The following HBS1L variants were observed in gnomAD, a reference collection of about 807,000 sequenced individuals.
HBS1L encodes the protein HBS1-like protein.
Under a neutral mutation model 88.9 loss-of-function variants are expected in HBS1L, and 55 were observed. The observed-to-expected ratio is 0.62, with a 90% confidence interval of 0.50 to 0.77. HBS1L has a LOEUF of 0.77. Ranked by LOEUF, HBS1L falls within the 30% of genes least tolerant of loss-of-function variation. The probability of loss-of-function intolerance (pLI) is 0.00; values close to 1 mark genes in which losing one functional copy is unlikely to be tolerated. For missense variants in HBS1L, 741 were observed against 829.3 expected (o/e 0.89, Z 1.31); for synonymous variants, 267 against 288.5 (o/e 0.93, Z 0.76).
At chr6:134,985,810 T>C (rs887797174) in intron 11 of HBS1L, among the ~76,000 whole-genome samples, 8 of 152,174 alleles carry the variant, frequency 5.3e-5, no homozygotes, top group African/African-American at 1.9e-4. Flanking sequence ...TTGCAGCTTA[T>C]AAAATGAATG....
chr6:134,965,774 C>A (rs879833053), intron 17 of HBS1L, among the ~76,000 whole-genome samples: 1 of 152,136 alleles, frequency 6.6e-6, no homozygotes, highest in Non-Finnish European at 1.5e-5. Context: ...ACCTCCACCC[C>A]ACACCGCCTT....
At chr6:135,000,208 A>T (rs1342986734) in intron 5 of HBS1L, among the ~76,000 whole-genome samples, 1 of 134,356 alleles carries the variant, frequency 7.4e-6, no homozygotes, top group Non-Finnish European at 1.5e-5. Flanking sequence ...GGCAAGCACC[A>T]CTATACCCAG....
At chr6:135,053,236 T>A (rs1481433519) in intron 1 of HBS1L, among the ~76,000 whole-genome samples, 3 of 152,204 alleles carry the variant, frequency 2.0e-5, no homozygotes, top group Non-Finnish European at 4.4e-5. Flanking sequence ...TGTTCTCATC[T>A]GTGTATCCCT....
chr6:135,045,058 G>A (rs374264722), intron 2 of HBS1L, among the ~76,000 whole-genome samples: 1 of 151,936 alleles, frequency 6.6e-6, no homozygotes, highest in African/African-American at 2.4e-5. Flanking sequence ...ATTTGCAAAG[G>A]GTGGGTGGGG....
chr6:135,017,881 C>T (rs902065160), intron 4 of HBS1L, among the ~76,000 whole-genome samples: 14 of 151,372 alleles, frequency 9.2e-5, no homozygotes, highest in Non-Finnish European at 1.9e-4. Context: ...ACATTCAAAA[C>T]AAATTCACAA....
intron 2 of HBS1L, among the ~76,000 whole-genome samples, chr6:135,043,601 CG>C (rs980252799): frequency 1.3e-5 from 2 of 152,118 alleles, no homozygotes; most frequent in African/African-American, 4.8e-5. Context: ...AGAAGAAAAA[CG>C]TAATGACTTA....
intron 4 of HBS1L, chr6:135,037,909 T>C: frequency 1.9e-6 from 3 of 1,551,326 alleles, no homozygotes; most frequent in Non-Finnish European, 2.6e-6. Flanking sequence ...TAATCCGTAT[T>C]TTCCTACTGA....
chr6:134,973,494 A>T (rs1774552172), intron 15 of HBS1L, among the ~76,000 whole-genome samples: 1 of 152,152 alleles, frequency 6.6e-6, no homozygotes, highest in Admixed American at 6.5e-5. Context: ...TCAGTTTGGG[A>T]TGTTGAAGAA....
At chr6:135,044,711 T>C (rs1194550646) in intron 2 of HBS1L, among the ~76,000 whole-genome samples, 1 of 152,212 alleles carries the variant, frequency 6.6e-6, no homozygotes, top group Non-Finnish European at 1.5e-5. Context: ...CCTGGTGCTT[T>C]CCTGGCTTTA....
intron 4 of HBS1L, chr6:135,027,215 AAGAAAAG>A (rs1776258554): frequency 7.3e-6 from 1 of 136,072 alleles, no homozygotes; most frequent in African/African-American, 3.3e-5. Flanking sequence ...AAAAAAAAAA[AAGAAAAG>A]AAAAAATAGC....
chr6:134,989,688 T>G (rs1157600545), intron 8 of HBS1L, among the ~76,000 whole-genome samples: 6 of 152,350 alleles, frequency 3.9e-5, no homozygotes, highest in African/African-American at 9.6e-5. Flanking sequence ...TTTACACTAT[T>G]CCTGTTTCCT....
At chr6:135,028,393 A>G (rs1776295716) in intron 4 of HBS1L, among the ~76,000 whole-genome samples, 1 of 152,194 alleles carries the variant, frequency 6.6e-6, no homozygotes, top group South Asian at 2.1e-4. Flanking sequence ...GTTTGGTACA[A>G]TGCACAACAA....
chr6:135,005,066 G>A (rs1167610284), intron 4 of HBS1L, among the ~76,000 whole-genome samples: 3 of 152,166 alleles, frequency 2.0e-5, no homozygotes, highest in Non-Finnish European at 4.4e-5. Flanking sequence ...TGGGGCTCTG[G>A]GCCAGTCAAC....
intron 4 of HBS1L, among the ~76,000 whole-genome samples, chr6:135,006,257 G>A (rs1388803078): frequency 1.3e-5 from 2 of 152,218 alleles, no homozygotes; most frequent in Non-Finnish European, 2.9e-5. Flanking sequence ...AGAAAGCAGA[G>A]GGATCTGTAA....
At chr6:135,010,279 C>A (rs1455641956) in intron 4 of HBS1L, among the ~76,000 whole-genome samples, 1 of 152,078 alleles carries the variant, frequency 6.6e-6, no homozygotes, top group Non-Finnish European at 1.5e-5. Context: ...ACTGAGTTTA[C>A]CCCATCTGAA....
chr6:135,054,573 T>C (rs1488072627), intron 1 of HBS1L, 76 bp downstream of exon 1: 17 of 1,534,814 alleles, frequency 1.1e-5, no homozygotes, highest in East Asian at 2.3e-5. Context: ...AACTCACAGA[T>C]TGAAGTGGAT....
At chr6:134,991,337 TCC>T (rs2114792958) in intron 8 of HBS1L, among the ~76,000 whole-genome samples, 1 of 152,340 alleles carries the variant, frequency 6.6e-6, no homozygotes, top group African/African-American at 2.4e-5. Flanking sequence ...ACACATCACT[TCC>T]TTTGCATGGA....
At chr6:134,988,444 C>CA (rs35138728) in intron 8 of HBS1L, among the ~76,000 whole-genome samples, 1,842 of 119,150 alleles carry the variant, frequency 0.015, 23 homozygotes, top group Middle Eastern at 0.056. Context: ...GAATCTTTAC[C>CA]AAAAAAAAAA....
intron 13 of HBS1L, 148 bp from the exon 14 acceptor site, chr6:134,979,416 G>C: frequency 1.6e-6 from 1 of 618,670 alleles, no homozygotes; most frequent in Middle Eastern, 2.6e-4. Context: ...GTAACTGTGA[G>C]CGTTGAGGAA....
Sources: allele counts gnomAD v4.1 joint callset (sites outside exome capture counted in the v4.1 genomes callset), GRCh38; gene constraint gnomAD v4.1.1; transcripts MANE v1.5; gene names NCBI Gene and HGNC (gene_info 2026-07-23, HGNC 2026-07-21).